The following GRIP2 variants were observed in gnomAD, a reference collection of about 807,000 sequenced individuals.
GRIP2 encodes glutamate receptor interacting protein 2.
In GRIP2, 58 loss-of-function variants were observed where a neutral mutation model predicts 108.3. That is an observed-to-expected ratio of 0.54 (90% CI 0.43 to 0.67). The LOEUF (loss-of-function observed/expected upper bound fraction) is 0.67, where lower values mean the gene tolerates loss of function less well. Ranked by LOEUF, GRIP2 falls within the 30% of genes least tolerant of loss-of-function variation. GRIP2 has a pLI of 0.00. For missense variants in GRIP2, 1,278 were observed against 1,430.6 expected (o/e 0.89, Z 1.72); for synonymous variants, 586 against 598.2 (o/e 0.98, Z 0.30).
In GRIP2 at chr3:14,512,271, C is replaced by T. The variant is rs960021341; in HGVS notation, c.1720+506G>A. On this transcript the variant is annotated intron_variant, in intron 14 of 23. Coordinates refer to ENST00000621039, the MANE Select transcript of GRIP2 (RefSeq NM_001080423.4). This position sits in a 1 kb window ranked among gnomAD's most constrained non-coding sequence, Gnocchi z 5.1. Reference sequence around the variant, plus strand: ...GGGGTCCAGAGCACAGAGGGCCTCACTGGGGCCCGAGGCCCTCAGCTTTTA... The same window carrying T: ...GGGGTCCAGAGCACAGAGGGCCTCATTGGGGCCCGAGGCCCTCAGCTTTTA... Among the ~76,000 whole-genome samples the T allele has an allele frequency of 6.6e-6, 1 of 152,182 alleles. No individual in the cohort carries two copies. The highest frequency in any genetic ancestry group is 1.5e-5 in the Non-Finnish European group (1 of 68,022).
rs764761345 is a variant in GRIP2 at position 14,524,487 on chromosome 3, G to T, written c.309C>A (p.His103Gln). Residue 103 changes from histidine to glutamine, a missense_variant, in exon 4 of 24, where the codon CAC becomes CAA. Physicochemically the swap from His to Gln is conservative, Grantham distance 24. Coordinates refer to ENST00000621039, the MANE Select transcript of GRIP2 (RefSeq NM_001080423.4). ...GDYIRSVNGI[H>Q]LTRLRHDEII... Reference sequence around the variant, plus strand: ...TCTCATCGTGGCGGAGCCTGGTCAGGTGGATCCCGTTCACAGACCGAATAT... The same window carrying T: ...TCTCATCGTGGCGGAGCCTGGTCAGTTGGATCCCGTTCACAGACCGAATAT... The T allele has an allele frequency of 6.4e-6, 10 of 1,569,868 alleles. No individual in the cohort carries two copies. The highest frequency in any genetic ancestry group is 7.8e-6 in the Non-Finnish European group (9 of 1,157,164).
intron 1 of GRIP2, among the ~76,000 whole-genome samples, chr3:14,554,645 G>A (rs897083179): frequency 2.0e-5 from 3 of 151,970 alleles, no homozygotes; most frequent in African/African-American, 7.3e-5. Context: ...GCTGCCCCAC[G>A]GACACCCACC....
At chr3:14,564,384 G>A in the GRIP2 span, among the ~76,000 whole-genome samples, 1 of 152,204 alleles carries the variant, frequency 6.6e-6, no homozygotes, top group South Asian at 2.1e-4. Context: ...CTCAAGCCAG[G>A]CCACGGCAGT....
exon 1 of GRIP2, chr3:14,556,042 C>T (rs1695233312): frequency 2.5e-6 from 1 of 398,488 alleles, no homozygotes; most frequent in Admixed American, 4.4e-5. Flanking sequence ...CGCTCCAGAG[C>T]TGCTTGCGCT....
At chr3:14,540,509 C>G (rs1694943447), upstream of GRIP2, 2 of 1,238,628 alleles carry the variant, frequency 1.6e-6, no homozygotes, top group Non-Finnish European at 2.2e-6. This position sits in a 1 kb window ranked among gnomAD's most constrained non-coding sequence, Gnocchi z 4.1. Context: ...GGACAGGGTC[C>G]AACATGCCCC....
chr3:14,494,727 T>C, intron 23 of GRIP2, 116 bp downstream of exon 23: 2 of 1,303,648 alleles, frequency 1.5e-6, no homozygotes, highest in Non-Finnish European at 2.0e-6. Context: ...TTGGCTAACC[T>C]GACTCAGACT....
At chr3:14,520,010 T>G in intron 9 of GRIP2, 100 bp downstream of exon 9, 1 of 1,155,750 alleles carries the variant, frequency 8.7e-7, no homozygotes, top group Non-Finnish European at 1.2e-6. Context: ...CTAGTACATT[T>G]TAGCCTGCTC....
At chr3:14,572,394 C>T in the GRIP2 span, among the ~76,000 whole-genome samples, 3 of 151,308 alleles carry the variant, frequency 2.0e-5, no homozygotes, top group African/African-American at 4.8e-5. Context: ...GGGCGGATCA[C>T]GAGGTCAGGA....
the GRIP2 span, among the ~76,000 whole-genome samples, chr3:14,582,447 C>T: frequency 5.9e-5 from 9 of 152,184 alleles, no homozygotes; most frequent in African/African-American, 1.7e-4. Flanking sequence ...GGGGTCTTTG[C>T]ACAAATCACC....
At chr3:14,569,358 G>A in the GRIP2 span, among the ~76,000 whole-genome samples, 10 of 152,216 alleles carry the variant, frequency 6.6e-5, no homozygotes, top group African/African-American at 2.4e-4. Context: ...TTACAGTTGG[G>A]GAAACTGAGG....
rs561223147 is a variant in GRIP2 at position 14,527,185 on chromosome 3, T to A, written c.41-1254A>T. 4.7e-4 allele frequency among the ~76,000 whole-genome samples: 72 copies of A among 151,936 alleles called. No individual in the cohort carries two copies. The South Asian group carries it at 0.015, about 31-fold the overall frequency. On this transcript the variant is annotated intron_variant, in intron 1 of 23. Coordinates refer to ENST00000621039, the MANE Select transcript of GRIP2 (RefSeq NM_001080423.4). Reference sequence around the variant, plus strand: ...GACAGAGAGACTCTGAGACCCTCACTCTGTCTCGAAAAGAGAGAAAGACAG... The same window carrying A: ...GACAGAGAGACTCTGAGACCCTCACACTGTCTCGAAAAGAGAGAAAGACAG...
intron 17 of GRIP2, among the ~76,000 whole-genome samples, chr3:14,508,143 G>C (rs916233526): frequency 3.9e-5 from 6 of 152,212 alleles, no homozygotes; most frequent in African/African-American, 1.4e-4. Context: ...AGACACCCTT[G>C]GTAGCCATTG....
chr3:14,563,359 A>G, the GRIP2 span, among the ~76,000 whole-genome samples: 2 of 152,176 alleles, frequency 1.3e-5, no homozygotes, highest in African/African-American at 2.4e-5. Flanking sequence ...GTAAATGAAA[A>G]TTTAAAATTT....
the GRIP2 span, among the ~76,000 whole-genome samples, chr3:14,587,458 G>C: frequency 6.6e-6 from 1 of 151,960 alleles, no homozygotes; most frequent in African/African-American, 2.4e-5. Context: ...TAGTGACATA[G>C]TGAAACTCCA....
chr3:14,523,933 C>T (rs1380745973), intron 4 of GRIP2: 7 of 549,096 alleles, frequency 1.3e-5, no homozygotes, highest in East Asian at 1.2e-4. Flanking sequence ...ACAGAGACGA[C>T]GGCAGAACTC....
rs745610042 is a variant in GRIP2 at position 14,493,565 on chromosome 3, C to T, written c.*100G>A. On this transcript the variant is annotated 3_prime_UTR_variant, in exon 24 of 24. Coordinates refer to ENST00000621039, the MANE Select transcript of GRIP2 (RefSeq NM_001080423.4). ...CCAGGCTCAGAGTCTGCCAGACCAA[C>T]AGATGAATGAGTGGGTGGCCGCTTC... The T allele has an allele frequency of 1.6e-5, 22 of 1,338,946 alleles. No homozygotes were observed. The highest frequency in any genetic ancestry group is 2.0e-5 in the Non-Finnish European group (20 of 996,428). The allele number at this position is 1,338,946 out of a possible 1,614,324, so 82.9% of individuals were successfully genotyped here.
At chr3:14,536,228 T>C (rs758678172) in intron 1 of GRIP2, among the ~76,000 whole-genome samples, 1 of 152,236 alleles carries the variant, frequency 6.6e-6, no homozygotes, top group East Asian at 1.9e-4. Flanking sequence ...CTAAGCACTT[T>C]ATGAATGCTA....
the GRIP2 span, chr3:14,573,158 A>G: frequency 1.4e-6 from 2 of 1,436,664 alleles, no homozygotes; most frequent in Non-Finnish European, 2.0e-6. Flanking sequence ...AGAGCACCAC[A>G]GCCAGCAGCT....
intron 3 of GRIP2, 64 bp downstream of exon 3, chr3:14,525,373 G>C: frequency 6.3e-7 from 1 of 1,579,788 alleles, no homozygotes; most frequent in Admixed American, 1.7e-5. Flanking sequence ...TTTTCCACTG[G>C]CCCTGGGCTC....
Sources: gnomAD v4.1 joint callset for allele counts (sites outside exome capture counted in the v4.1 genomes callset) on GRCh38, gnomAD v4.1.1 for gene constraint, Gnocchi (gnomAD v3.1) non-coding constraint, MANE v1.5 for transcripts, NCBI Gene and HGNC (gene_info 2026-07-23, HGNC 2026-07-21) for gene names.